The following DMD variants were observed in gnomAD, a reference collection of about 807,000 sequenced individuals.
The protein encoded by DMD is mutant dystrophin.
Under a neutral mutation model 330.1 loss-of-function variants are expected in DMD, and 63 were observed. The ratio of observed to expected loss-of-function variants is 0.19; its 90% CI spans 0.16 to 0.24. The LOEUF (loss-of-function observed/expected upper bound fraction) is 0.24. Among genes scored for constraint, DMD ranks in the 10% least tolerant of loss-of-function variants. DMD has a pLI of 1.00. For synonymous variants in DMD, 1,223 were observed against 959.8 expected, an observed-to-expected ratio of 1.27 and a Z score of -5.07; for missense variants, 3,344 against 2,684.1, an observed-to-expected ratio of 1.25 and a Z score of -5.43.
intron 44 of DMD, among the ~76,000 whole-genome samples, chrX:32,073,605 G>A (rs1248059746): frequency 9.0e-6 from 1 of 111,131 alleles, no homozygotes; most frequent in Admixed American, 9.6e-5. Context: ...CAAAATGAAT[G>A]GGTTAATTGT....
At chrX:33,032,685 C>T (rs1318988368) in intron 1 of DMD, among the ~76,000 whole-genome samples, 1 of 111,843 alleles carries the variant, frequency 8.9e-6, no homozygotes, top group African/African-American at 3.2e-5. Context: ...TCATACATGG[C>T]CAAGTATTAG....
rs148050619 is a variant in DMD, at chrX:32,294,448, T to C, written c.6118-6747A>G. Among the ~76,000 whole-genome samples, 521 of 112,021 alleles carry C rather than the reference T, an allele frequency of 4.7e-3. 2 individuals are homozygous for C. The highest frequency in any genetic ancestry group is 0.016 in the African/African-American group (505 of 30,837). Reference sequence around the variant, plus strand: ...GTTTGTGCGTATGTGTGTGTATGTATACTCTCTGAGGATTTGAGCTTGCAA... The same window carrying C: ...GTTTGTGCGTATGTGTGTGTATGTACACTCTCTGAGGATTTGAGCTTGCAA... On this transcript the variant is annotated intron_variant, in intron 42 of 78. Coordinates refer to ENST00000357033, the MANE Select transcript of DMD (RefSeq NM_004006.3).
intron 7 of DMD, among the ~76,000 whole-genome samples, chrX:32,783,904 C>A (rs1479161103): frequency 2.8e-5 from 3 of 108,650 alleles, no homozygotes; most frequent in Non-Finnish European, 5.7e-5. Flanking sequence ...ATACTTAAAG[C>A]TGCTTAAATG....
At chrX:31,417,967 G>A (rs960809068) in intron 60 of DMD, among the ~76,000 whole-genome samples, 2 of 108,546 alleles carry the variant, frequency 1.8e-5, no homozygotes, top group African/African-American at 6.7e-5. Flanking sequence ...GGGATTACAG[G>A]CGTGAGCCAC....
intron 7 of DMD, among the ~76,000 whole-genome samples, chrX:32,803,379 T>A (rs181805868): frequency 0.013 from 1,404 of 110,719 alleles, 19 homozygotes; most frequent in African/African-American, 0.044. Context: ...TTAGTCTGGC[T>A]AGCCATCTAT....
intron 4 of DMD, among the ~76,000 whole-genome samples, chrX:32,839,206 AACTCAC>A (rs1349606894): frequency 9.1e-6 from 1 of 109,508 alleles, no homozygotes; most frequent in Non-Finnish European, 1.9e-5. Flanking sequence ...TTTATCTCTA[AACTCAC>A]TCTACTCCAC....
chrX:33,124,500 A>AAAAAAAAAAAAAAAAAAAAC (rs2095448261), intron 1 of DMD, among the ~76,000 whole-genome samples: 1 of 104,394 alleles, frequency 9.6e-6, no homozygotes, highest in African/African-American at 3.7e-5. Flanking sequence ...AAAAAAAAAA[A>AAAAAAAAAAAAAAAAAAAAC]AAAAAAAAAA....
chrX:31,246,296 C>T (rs1392790374), intron 63 of DMD, among the ~76,000 whole-genome samples: 1 of 112,003 alleles, frequency 8.9e-6, no homozygotes, highest in East Asian at 2.8e-4. Flanking sequence ...GTAGAGGTTG[C>T]TTCAAGAAGC....
At chrX:31,345,645 C>A (rs1385679966) in intron 61 of DMD, among the ~76,000 whole-genome samples, 1 of 111,008 alleles carries the variant, frequency 9.0e-6, no homozygotes, top group Non-Finnish European at 1.9e-5. Context: ...TCAATTAAAT[C>A]GAATAGAATG....
intron 3 of DMD, among the ~76,000 whole-genome samples, chrX:32,845,877 T>C (rs917438268): frequency 8.9e-6 from 1 of 112,296 alleles, no homozygotes; most frequent in African/African-American, 3.2e-5. Flanking sequence ...TTACAACATG[T>C]GCTCTCAATA....
chrX:33,138,924 A>G (rs924599145), intron 1 of DMD, among the ~76,000 whole-genome samples: 2 of 110,736 alleles, frequency 1.8e-5, no homozygotes, highest in Admixed American at 9.7e-5. Context: ...TTTGTTTCCT[A>G]TTTTGAAGGT....
intron 51 of DMD, among the ~76,000 whole-genome samples, chrX:31,751,178 C>T (rs1369664170): frequency 1.0e-4 from 11 of 109,111 alleles, no homozygotes; most frequent in Admixed American, 8.9e-4. Context: ...AAAAAGAGCC[C>T]GCATCGCCAA....
intron 2 of DMD, among the ~76,000 whole-genome samples, chrX:32,937,705 A>ATG (rs772728424): frequency 2.3e-4 from 25 of 108,900 alleles, no homozygotes; most frequent in African/African-American, 7.7e-4. Flanking sequence ...GAATGGATGG[A>ATG]TGAAGTCAAT....
At chrX:32,675,338 A>G (rs952583231) in intron 9 of DMD, among the ~76,000 whole-genome samples, 4 of 111,400 alleles carry the variant, frequency 3.6e-5, no homozygotes, top group African/African-American at 1.3e-4. Context: ...AGATGGTAAT[A>G]TCATCTGAAT....
chrX:32,373,419 A>G (rs1466131861), intron 34 of DMD, among the ~76,000 whole-genome samples: 2 of 108,659 alleles, frequency 1.8e-5, no homozygotes, highest in African/African-American at 3.3e-5. Flanking sequence ...ATGGCCACAT[A>G]GTAGTTGTTC....
chrX:31,579,148 A>T (rs767445766), intron 55 of DMD, among the ~76,000 whole-genome samples: 5 of 112,229 alleles, frequency 4.5e-5, no homozygotes, highest in African/African-American at 9.7e-5. Context: ...GCTTTCTTAC[A>T]GAACAGACTG....
chrX:31,846,800 C>T, intron 48 of DMD, among the ~76,000 whole-genome samples: 1 of 111,881 alleles, frequency 8.9e-6, no homozygotes, highest in African/African-American at 3.2e-5. Flanking sequence ...GATACCACTA[C>T]TCAGAAGGCA....
At chrX:32,291,601 G>A (rs906224912) in intron 42 of DMD, among the ~76,000 whole-genome samples, 7 of 111,892 alleles carry the variant, frequency 6.3e-5, no homozygotes, top group South Asian at 3.7e-4. Flanking sequence ...GAACTTGAAT[G>A]AGTCTTAGGT....
intron 25 of DMD, among the ~76,000 whole-genome samples, chrX:32,457,371 G>C (rs1384634803): frequency 9.0e-6 from 1 of 110,843 alleles, no homozygotes; most frequent in African/African-American, 3.3e-5. Flanking sequence ...GGAATGGAGA[G>C]GTTGCTAGAG....
Sources: allele counts gnomAD v4.1 joint callset (sites outside exome capture counted in the v4.1 genomes callset), GRCh38; gene constraint gnomAD v4.1.1; transcripts MANE v1.5; gene names NCBI Gene and HGNC (gene_info 2026-07-23, HGNC 2026-07-21).